NOTCH1: variants seen among roughly 807,000 people sequenced by gnomAD.
The protein encoded by NOTCH1 is notch receptor 1.
NOTCH1 carries 37 observed loss-of-function variants against 254.8 expected under a neutral mutation model. The ratio of observed to expected loss-of-function variants is 0.15; its 90% confidence interval spans 0.11 to 0.19. The LOEUF (loss-of-function observed/expected upper bound fraction) is 0.19. Among genes scored for constraint, NOTCH1 ranks in the 10% least tolerant of loss-of-function variants. The pLI, the probability that NOTCH1 is intolerant of heterozygous loss-of-function variation, is 1.00. For missense variants in NOTCH1, 2,972 were observed against 3,708.6 expected (o/e 0.80, Z 5.16); for synonymous variants, 1,731 against 1,618.1 (o/e 1.07, Z -1.68).
At chr9:136,514,905 C>A (rs1380392062) in intron 12 of NOTCH1, among the ~76,000 whole-genome samples, 1 of 152,176 alleles carries the variant, frequency 6.6e-6, no homozygotes, top group African/African-American at 2.4e-5. Context: ...CTCCCAGGGG[C>A]CCCAGGGGCA....
intron 4 of NOTCH1, among the ~76,000 whole-genome samples, chr9:136,519,919 C>T (rs949227426): frequency 6.6e-6 from 1 of 152,234 alleles, no homozygotes; most frequent in Non-Finnish European, 1.5e-5. Context: ...GCCGCACACC[C>T]CATCTTCAGG....
At chr9:136,543,735 T>C (rs1843767080) in intron 2 of NOTCH1, 1 of 558,162 alleles carries the variant, frequency 1.8e-6, no homozygotes, top group African/African-American at 1.9e-5. Context: ...TCTTGGGGAC[T>C]TAAAGAAGAA....
In NOTCH1 at chr9:136,495,624, C is replaced by T. The variant is rs1376180281; in HGVS notation, c.*447G>A. 2.2e-5 allele frequency: 9 copies of T among 401,206 alleles called. No homozygotes were observed. Among genetic ancestry groups the T allele is most frequent in the Non-Finnish European group, 2.2e-5 (5 of 227,802 alleles). 24.9% of individuals were successfully genotyped at this position (401,206 alleles called of 1,614,324 possible). ...TTGGGTGGGCGTCGGGGAAAGGGCG[C>T]GGCCTGGACGCCCCAGGAGCTTTTT... On this transcript the variant is annotated 3_prime_UTR_variant, in exon 34 of 34. Coordinates refer to ENST00000651671, the MANE Select transcript of NOTCH1 (RefSeq NM_017617.5).
In NOTCH1 at chr9:136,513,131, G is replaced by A. The variant is rs1843209816; in HGVS notation, c.2357C>T (p.Pro786Leu). 2 of 1,611,672 alleles carry A rather than the reference G, an allele frequency of 1.2e-6. No individual in the cohort carries two copies. Among genetic ancestry groups the A allele is most frequent in the South Asian group, 1.1e-5 (1 of 91,066 alleles). ...VCTCREGFSG[P>L]NCQTNINECA... ...CTCGTTGATGTTGGTCTGGCAGTTG[G>A]GACCTGGAGGGAAGGGGACAGCACT... is the stretch of plus-strand genomic sequence containing the variant. The change falls in exon 15 of 34, where the codon CCC becomes CTC. Residue 786 changes from proline (P) to leucine (L), a missense_variant. Physicochemically the swap from Pro to Leu is moderately conservative, Grantham distance 98. Transcript: ENST00000651671. The surrounding 1 kb of genome is among the most constrained non-coding windows in gnomAD (Gnocchi z 4.7).
chr9:136,506,572 G>A lies in NOTCH1; in HGVS notation c.3969C>T (p.Ala1323=), dbSNP rs545693957. The A allele has an allele frequency of 1.4e-5, 22 of 1,610,602 alleles. No individual in the cohort carries two copies. Among genetic ancestry groups the A allele is most frequent in the South Asian group, 1.3e-4 (12 of 90,688 alleles). The change falls in exon 24 of 34, where the codon GCC becomes GCT. Residue 1323 remains alanine, a synonymous_variant. Transcript: ENST00000651671. The surrounding 1 kb of genome is among the most constrained non-coding windows in gnomAD (Gnocchi z 4.5). ...ACCCGCGGGCGGTGTTGGAGGCCAC[G>A]GCGCAGGTGCCCCCATTCTTGCAGG... The part of the protein sequence containing the change: ...GKPCKNGGTC[A]VASNTARGFI...
At chr9:136,507,053 A>G (rs1843099794) in intron 22 of NOTCH1, 80 bp from the exon 23 acceptor site, 1 of 1,551,548 alleles carries the variant, frequency 6.4e-7, no homozygotes, top group Non-Finnish European at 8.7e-7. Flanking sequence ...CCGGAAGACG[A>G]GCGCTCAGGT....
intron 2 of NOTCH1, among the ~76,000 whole-genome samples, chr9:136,538,519 C>G (rs1453675117): frequency 6.6e-6 from 1 of 152,262 alleles, no homozygotes; most frequent in South Asian, 2.1e-4. Flanking sequence ...GAGAAAGCGC[C>G]AGCGCTGCCT....
intron 2 of NOTCH1, among the ~76,000 whole-genome samples, chr9:136,542,659 G>C (rs937621021): frequency 1.3e-4 from 20 of 151,508 alleles, no homozygotes; most frequent in African/African-American, 4.6e-4. Context: ...AGTTTGGGGA[G>C]GGTGGGGGCC....
Position 136,514,625 on chromosome 9 carries a change from T to C in NOTCH1, c.2092A>G (p.Asn698Asp). ...TCGGGGCAGCGGCAGGTGAAGCCAT[T>C]GATGCCGTCCTCGCAGGTGCCCCCG... ...HNGGTCEDGI[N>D]GFTCRCPEGY... The change falls in exon 13 of 34, where the codon AAT (asparagine) becomes GAT (aspartate). Residue 698 changes from asparagine to aspartate, a missense_variant. Around this residue, in one of 8 missense-constraint regions of NOTCH1, gnomAD observed 1,343 missense variants for 1,557.0 expected, o/e 0.86. Transcript: ENST00000651671. The C allele has an allele frequency of 6.2e-7, 1 of 1,611,354 alleles. No individual in the cohort carries two copies. The highest frequency in any genetic ancestry group is 1.7e-5 in the Admixed American group (1 of 59,844).
intron 2 of NOTCH1, among the ~76,000 whole-genome samples, chr9:136,527,173 C>CCT (rs537243693): frequency 1.3e-3 from 198 of 152,332 alleles, no homozygotes; most frequent in Non-Finnish European, 2.3e-3. Flanking sequence ...CCAGTCTGTA[C>CCT]CTCTCTCCCA....
Position 136,511,153 on chromosome 9 carries a change from T to C in NOTCH1, c.2586A>G (p.Gln862=). ...TCACCGGGCCCTGGCCAGCCTCACC[T>C]TGCCAGCCCGTGGGGCAGACACAGG... is the stretch of plus-strand genomic sequence containing the variant. The part of the protein sequence containing the change: ...SFSCVCPTGW[Q]GQTCEVDINE... The change falls in exon 16 of 34, where the codon CAA becomes CAG. Residue 862 remains glutamine (Q), a splice_region_variant and synonymous_variant. Transcript: ENST00000651671. 6.2e-7 allele frequency: 1 copy of C among 1,612,856 alleles called. No individual in the cohort carries two copies. The highest frequency in any genetic ancestry group is 8.5e-7 in the Non-Finnish European group (1 of 1,179,956).
rs757370134 is a variant in NOTCH1 at position 136,502,493 on chromosome 9, G to A, written c.5168-5C>T. On this transcript the variant is annotated splice_region_variant and splice_polypyrimidine_tract_variant and intron_variant, in intron 27 of 33. Transcript: ENST00000651671. ...GGGGCGGCTCCACGGTCTCACCTGC[G>A]GGCACGGGGGCCAGGGGCAGGTGCC... 7.1e-5 allele frequency: 108 copies of A among 1,527,850 alleles called. 1 individual carries two copies. The highest frequency in any genetic ancestry group is 1.9e-4 in the Middle Eastern group (1 of 5,168). 94.6% of individuals were successfully genotyped at this position (1,527,850 alleles called of 1,614,324 possible).
chr9:136,543,049 G>C (rs1484491907), intron 2 of NOTCH1: 2 of 153,244 alleles, frequency 1.3e-5, no homozygotes, highest in Non-Finnish European at 2.9e-5. Flanking sequence ...GTCAGAGTTT[G>C]CAGATGCCAG....
chr9:136,543,894 C>T, intron 2 of NOTCH1, 130 bp downstream of exon 2: 1 of 861,152 alleles, frequency 1.2e-6, no homozygotes. Context: ...TAAAAGTCAG[C>T]ACGTGACCGT....
At chr9:136,529,182 T>C (rs1162160102) in intron 2 of NOTCH1, among the ~76,000 whole-genome samples, 6 of 152,150 alleles carry the variant, frequency 3.9e-5, no homozygotes, top group Non-Finnish European at 8.8e-5. Context: ...GGCCCACCCA[T>C]CGGCCTGCCC....
At position 136,508,206 on chromosome 9, in the gene NOTCH1, C is replaced by T. The variant is rs112134816; in HGVS notation, c.3325+26G>A. The T allele has an allele frequency of 6.2e-3, 9,964 of 1,609,444 alleles. 479 individuals carry two copies. In the African/African-American group the frequency reaches 0.11, roughly 18 times the overall value. On this transcript the variant is annotated intron_variant, in intron 20 of 33. Coordinates refer to ENST00000651671, the MANE Select transcript of NOTCH1 (RefSeq NM_017617.5). ...CAGAGGACCTTGATGGGCTGGGACC[C>T]GAGCTGGGTGGGCACAGCAGGTTAC...
chr9:136,509,094 G>C (rs1326185820), intron 18 of NOTCH1, 23 bp from the exon 19 acceptor site: 1 of 1,547,428 alleles, frequency 6.5e-7, no homozygotes, highest in Non-Finnish European at 8.7e-7. Flanking sequence ...GGGCAGGCGG[G>C]GGCTGAGTGG....
chr9:136,509,978 G>A lies in NOTCH1; in HGVS notation c.2741-17C>T, dbSNP rs771595991. On this transcript the variant is annotated splice_polypyrimidine_tract_variant and intron_variant, in intron 17 of 33. Transcript: ENST00000651671. ...GACACGGGTCTGGGAGAGGACGGAA[G>A]GGTGAGTGTGAGGGGCAGGCACAAA... 1.9e-6 allele frequency: 3 copies of A among 1,609,838 alleles called. No individual in the cohort carries two copies. The highest frequency in any genetic ancestry group is 1.1e-5 in the South Asian group (1 of 91,056).
intron 27 of NOTCH1, 98 bp downstream of exon 27, chr9:136,503,084 G>A (rs908652945): frequency 1.2e-5 from 19 of 1,551,148 alleles, no homozygotes; most frequent in Middle Eastern, 3.3e-4. Flanking sequence ...GCTCACACCC[G>A]TGGGTAGCAA....
Sources: gnomAD v4.1 joint callset for allele counts (sites outside exome capture counted in the v4.1 genomes callset) on GRCh38, gnomAD v4.1.1 for gene constraint, gnomAD v4.1.1 regional missense constraint, Gnocchi (gnomAD v3.1) non-coding constraint, MANE v1.5 for transcripts, NCBI Gene and HGNC (gene_info 2026-07-23, HGNC 2026-07-21) for gene names.